CFAP92: variants seen among roughly 807,000 people sequenced by gnomAD.
CFAP92 encodes the protein uncharacterized protein CFAP92.
A neutral mutation model predicts 106.3 loss-of-function variants in CFAP92; 86 were observed. The observed-to-expected ratio is 0.81, with a 90% CI of 0.68 to 0.97. CFAP92 has a LOEUF of 0.97. Ranked by LOEUF, CFAP92 falls within the 50% of genes least tolerant of loss-of-function variation. CFAP92 has a pLI of 0.00. For missense variants in CFAP92, 1,204 were observed against 1,283.8 expected, an observed-to-expected ratio of 0.94 and a Z score of 0.95; for synonymous variants, 477 against 506.4, an observed-to-expected ratio of 0.94 and a Z score of 0.78.
At chr3:128,965,453 C>T (rs1352376940) in intron 9 of CFAP92, 58 bp downstream of exon 9, 7 of 398,508 alleles carry the variant, frequency 1.8e-5, no homozygotes, top group African/African-American at 4.1e-5. Flanking sequence ...TGGCATGTGA[C>T]GGGCAGGTGG....
At chr3:129,003,810 G>T, upstream of CFAP92, 1 of 1,464,072 alleles carries the variant, frequency 6.8e-7, no homozygotes, top group Non-Finnish European at 9.0e-7. Flanking sequence ...CTCTGGAAGA[G>T]CCAGGCGAGC....
At chr3:129,000,534 C>G (rs1944674044) in intron 1 of CFAP92, among the ~76,000 whole-genome samples, 1 of 152,212 alleles carries the variant, frequency 6.6e-6, no homozygotes, top group Admixed American at 6.5e-5. Context: ...GGTACCGTGG[C>G]TGGATAACCG....
At chr3:128,914,524 A>T (rs976379747) in intron 15 of CFAP92, 7 of 152,196 alleles carry the variant, frequency 4.6e-5, no homozygotes, top group African/African-American at 1.7e-4. Context: ...TTGTTTTTAG[A>T]TAGGCTCATG....
rs553527639 is a variant in CFAP92, at chr3:128,927,656, G to A, written c.2751+5044C>T. Among the ~76,000 whole-genome samples the A allele has an allele frequency of 2.2e-4, 33 of 151,318 alleles. No homozygotes were observed. The East Asian group carries it at 4.1e-3, about 19-fold the overall frequency. On this transcript the variant is annotated intron_variant, in intron 12 of 15. Transcript: ENST00000645291. Reference sequence around the variant, plus strand: ...GGAGAATGGCGTGAACCCAGGAGGCGGAGCTTGCAGTGAGCGGAGATTGTG... The same window carrying A: ...GGAGAATGGCGTGAACCCAGGAGGCAGAGCTTGCAGTGAGCGGAGATTGTG...
At chr3:128,919,182 G>A (rs1345127160) in intron 12 of CFAP92, among the ~76,000 whole-genome samples, 6 of 151,820 alleles carry the variant, frequency 4.0e-5, no homozygotes, top group South Asian at 2.1e-4. Flanking sequence ...GACTTCAAGC[G>A]ATCCACCCAC....
At chr3:128,993,492 G>T in intron 1 of CFAP92, 156 bp from the exon 2 acceptor site, 1 of 686,638 alleles carries the variant, frequency 1.5e-6, no homozygotes, top group Non-Finnish European at 2.4e-6. Flanking sequence ...CTGCCACACA[G>T]TCGGTACTCA....
At chr3:129,002,377 T>A in intron 1 of CFAP92, 1 of 1,482,950 alleles carries the variant, frequency 6.7e-7, no homozygotes, top group Non-Finnish European at 8.9e-7. Flanking sequence ...GGGCTCGAAC[T>A]AAAAGCTGGC....
At chr3:128,947,851 T>G (rs202043151) in intron 9 of CFAP92, among the ~76,000 whole-genome samples, 1 of 151,764 alleles carries the variant, frequency 6.6e-6, no homozygotes, top group East Asian at 1.9e-4. Flanking sequence ...AGAAAAAAAT[T>G]GATCGAAGAT....
In CFAP92 at chr3:128,988,787, T is replaced by C; in HGVS notation, c.394A>G (p.Lys132Glu). The change falls in exon 3 of 16, where the codon AAA becomes GAA. Residue 132 changes from lysine (K) to glutamate (E), a missense_variant. Lys to Glu is a moderately conservative substitution (Grantham distance 56). Transcript: ENST00000645291. ...ATTGGAAATAGCAATATGTCAACTT[T>C]TTTAGGTTCTTCATCGTCCGGCAGA... ...FLLPDDEEPK[K>E]VDILLFPMVA... The C allele has an allele frequency of 1.2e-6, 2 of 1,614,000 alleles. No individual in the cohort carries two copies. The highest frequency in any genetic ancestry group is 1.1e-5 in the South Asian group (1 of 91,074).
rs976456697 is a variant in CFAP92 at position 128,991,710 on chromosome 3, A to T, written c.262+1333T>A. On this transcript the variant is annotated intron_variant, in intron 2 of 15. Coordinates refer to ENST00000645291, the MANE Select transcript of CFAP92 (RefSeq NM_001394090.1). ...CCGGCCTGCACCAAGGCGTTCATTG[A>T]AACAGCATGTTGCTCCACACCGCCT... is the stretch of plus-strand genomic sequence containing the variant. 5 of 988,658 alleles carry T rather than the reference A, an allele frequency of 5.1e-6. No homozygotes were observed. The African/African-American group carries it at 8.8e-5, about 17-fold the overall frequency. The allele number at this position is 988,658 out of a possible 1,614,324, so 61.2% of individuals were successfully genotyped here.
the CFAP92 span, among the ~76,000 whole-genome samples, chr3:129,012,938 G>A: frequency 2.0e-5 from 3 of 152,134 alleles, no homozygotes; most frequent in Non-Finnish European, 2.9e-5. Context: ...GCGCATGGAT[G>A]GTTTTCTTTA....
intron 7 of CFAP92, 39 bp downstream of exon 7, chr3:128,975,740 A>C: frequency 4.9e-6 from 7 of 1,424,100 alleles, no homozygotes; most frequent in Non-Finnish European, 6.7e-6. Context: ...TTCCAAGTCT[A>C]GTTATATTAT....
chr3:129,004,091 C>A (rs1218424599), upstream of CFAP92: 5 of 1,480,304 alleles, frequency 3.4e-6, no homozygotes, highest in Non-Finnish European at 4.5e-6. Context: ...AGCGGGGGCG[C>A]GTGCCCTGGG....
rs560523989 is a variant in CFAP92, at chr3:128,912,598, G to A, written c.3281-2265C>T. The A allele has an allele frequency of 6.1e-5, 98 of 1,614,054 alleles. No homozygotes were observed. In the East Asian group the frequency reaches 2.2e-3, roughly 36 times the overall value. The stretch of plus-strand genomic sequence containing the variant: ...ATATCTGTGCCCACCCTCTGGACAG[G>A]ACATGCTGAGGCAGGGGACAGTGTC... On this transcript the variant is annotated intron_variant, in intron 15 of 15. Transcript: ENST00000645291.
chr3:128,913,189 C>A, intron 15 of CFAP92: 1 of 390,904 alleles, frequency 2.6e-6, no homozygotes, highest in Non-Finnish European at 5.1e-6. Context: ...GAGAACCACC[C>A]TTTGGTGATG....
At chr3:128,982,777 C>G (rs1243725910) in intron 4 of CFAP92, among the ~76,000 whole-genome samples, 2 of 152,096 alleles carry the variant, frequency 1.3e-5, no homozygotes, top group African/African-American at 4.8e-5. Flanking sequence ...ATAGGGAGGC[C>G]TGAAGAGAGG....
chr3:129,018,498 C>G, the CFAP92 span, among the ~76,000 whole-genome samples: 2 of 152,238 alleles, frequency 1.3e-5, no homozygotes. Flanking sequence ...TCTGGGACTG[C>G]TCCTGTGCAG....
chr3:128,987,698 T>C lies in CFAP92; in HGVS notation c.585A>G (p.Lys195=). 6.2e-7 allele frequency: 1 copy of C among 1,614,036 alleles called. No homozygotes were observed. Among genetic ancestry groups the C allele is most frequent in the Middle Eastern group, 1.6e-4 (1 of 6,062 alleles). ...ATCTGACTTTTCTTGACATCTTGTC[T>C]TTAGTGTTCCAGAGCCTCAAGGTGA... ...HKITLRLWNT[K]DKMSRKVRYY... is the part of the protein sequence containing the mutation. Residue 195 remains lysine (K), a synonymous_variant, in exon 4 of 16, where the codon AAA becomes AAG. Coordinates refer to ENST00000645291, the MANE Select transcript of CFAP92 (RefSeq NM_001394090.1).
At chr3:129,018,593 C>T in the CFAP92 span, among the ~76,000 whole-genome samples, 11,101 of 152,134 alleles carry the variant, frequency 0.073, 1,163 homozygotes, top group African/African-American at 0.23. Flanking sequence ...AGTATGCCAG[C>T]CCTGAGTCAA....
Sources: allele counts gnomAD v4.1 joint callset (sites outside exome capture counted in the v4.1 genomes callset), GRCh38; gene constraint gnomAD v4.1.1; transcripts MANE v1.5; gene names NCBI Gene and HGNC (gene_info 2026-07-23, HGNC 2026-07-21).